Variants in PIK3CG observed in about 807,000 individuals in gnomAD.
The protein encoded by PIK3CG is phosphatidylinositol 4,5-bisphosphate 3-kinase catalytic subunit gamma isoform.
A neutral mutation model predicts 102.3 loss-of-function variants in PIK3CG; 55 were observed. The ratio of observed to expected loss-of-function variants is 0.54; its 90% CI spans 0.43 to 0.67. The LOEUF (loss-of-function observed/expected upper bound fraction) is 0.67, where lower values mean the gene tolerates loss of function less well. Ranked by LOEUF, PIK3CG falls within the 30% of genes least tolerant of loss-of-function variation. The pLI, the probability that PIK3CG is intolerant of heterozygous loss-of-function variation, is 0.00. For missense variants in PIK3CG, 1,258 were observed against 1,391.8 expected (o/e 0.90, Z 1.53); for synonymous variants, 552 against 540.0 (o/e 1.02, Z -0.31).
In PIK3CG at chr7:106,867,950, G is replaced by A. The variant is rs747797529; in HGVS notation, c.389G>A (p.Arg130Gln). 5.6e-6 allele frequency: 9 copies of A among 1,612,898 alleles called. No individual in the cohort carries two copies. The highest frequency in any genetic ancestry group is 1.7e-5 in the Admixed American group (1 of 60,006). Residue 130 changes from arginine to glutamine, a missense_variant, in exon 2 of 11, where the codon CGG (arginine) becomes CAG (glutamine). By Grantham distance (43) the Arg-to-Gln change is conservative. Around this residue, in one of 2 missense-constraint regions of PIK3CG, gnomAD observed 832 missense variants for 787.5 expected, o/e 1.06. Coordinates refer to ENST00000496166, the MANE Select transcript of PIK3CG (RefSeq NM_001282426.2). The surrounding 1 kb of genome is among the most constrained non-coding windows in gnomAD (Gnocchi z 5.1). ...CTGCGCTACTGGAAGGCCACGCACC[G>A]GAGCCCGGGCCAGATCCACCTGGTG... ...DCLRYWKATH[R>Q]SPGQIHLVQR...
Position 106,879,696 on chromosome 7 carries a change from TC to T in PIK3CG, c.2538+32del. 6.5e-7 allele frequency: 1 copy of T among 1,548,144 alleles called. No homozygotes were observed. Reference sequence around the variant, plus strand: ...CTAATTTTAAGATTGTTTTCAATTATCTGAAAACAATTCTATATTACATCAA... The same window carrying T: ...CTAATTTTAAGATTGTTTTCAATTATTGAAAACAATTCTATATTACATCAA... On this transcript the variant is annotated intron_variant, in intron 6 of 10. Coordinates refer to ENST00000496166, the MANE Select transcript of PIK3CG (RefSeq NM_001282426.2). The surrounding 1 kb of genome is among the most constrained non-coding windows in gnomAD (Gnocchi z 4.9).
Position 106,872,400 on chromosome 7 carries a change from T to G in PIK3CG, c.1996-137T>G. On this transcript the variant is annotated intron_variant, in intron 2 of 10. Transcript: ENST00000496166. This position sits in a 1 kb window ranked among gnomAD's most constrained non-coding sequence, Gnocchi z 5.3. Reference sequence around the variant, plus strand: ...GTCCTCTAACAGACAGGATTAAACTTAAGTGACTGTTAAGATTTTCATCTT... The same window carrying G: ...GTCCTCTAACAGACAGGATTAAACTGAAGTGACTGTTAAGATTTTCATCTT... 1.4e-6 allele frequency: 1 copy of G among 709,722 alleles called. No individual in the cohort carries two copies. Among genetic ancestry groups the G allele is most frequent in the Non-Finnish European group, 2.5e-6 (1 of 405,550 alleles). The allele number at this position is 709,722 out of a possible 1,614,324, so 44.0% of individuals were successfully genotyped here. A position where few individuals can be genotyped will look rare whatever the true frequency, so the allele number is the denominator to read the frequency against.
Position 106,869,905 on chromosome 7 carries a change from TATCTC to T in PIK3CG, c.1995+352_1995+356del, listed in dbSNP as rs1332942699. ...AGTGACTGACATGCTTTCAGTGTAT[TATCTC>T]ATTTAACTCTTCCAATAACTATGAT... On this transcript the variant is annotated intron_variant, in intron 2 of 10. Coordinates refer to ENST00000496166, the MANE Select transcript of PIK3CG (RefSeq NM_001282426.2). This position sits in a 1 kb window ranked among gnomAD's most constrained non-coding sequence, Gnocchi z 5.3. Among the ~76,000 whole-genome samples, 1 of 152,228 alleles carries T rather than the reference TATCTC, an allele frequency of 6.6e-6. No individual in the cohort carries two copies. The highest frequency in any genetic ancestry group is 1.5e-5 in the Non-Finnish European group (1 of 68,034).
intron 10 of PIK3CG, among the ~76,000 whole-genome samples, chr7:106,888,519 G>C (rs1300494450): frequency 6.6e-6 from 1 of 152,208 alleles, no homozygotes; most frequent in Non-Finnish European, 1.5e-5. Flanking sequence ...TTTGCGGTGA[G>C]GCTTTGTGCA....
rs2116546859 is a variant in PIK3CG at position 106,883,204 on chromosome 7, G to A, written c.2760+41G>A. The A allele has an allele frequency of 1.9e-6, 3 of 1,611,016 alleles. No homozygotes were observed. The South Asian group carries it at 3.3e-5, about 18-fold the overall frequency. On this transcript the variant is annotated intron_variant, in intron 8 of 10. Transcript: ENST00000496166. This position sits in a 1 kb window ranked among gnomAD's most constrained non-coding sequence, Gnocchi z 5.8. ...TTCCCAGTCTAATGGCTCCTTACAA[G>A]TTGTCATTTATATAGCAGTAGTGGC...
intron 5 of PIK3CG, among the ~76,000 whole-genome samples, chr7:106,875,501 T>C (rs966413616): frequency 4.6e-5 from 7 of 152,234 alleles, no homozygotes; most frequent in African/African-American, 1.7e-4. Context: ...GTTAGTCCTT[T>C]TTCTCCTCCC....
chr7:106,887,288 AT>A (rs1179170642), intron 10 of PIK3CG, among the ~76,000 whole-genome samples: 1 of 152,246 alleles, frequency 6.6e-6, no homozygotes, highest in Non-Finnish European at 1.5e-5. Flanking sequence ...AAGACAAGGA[AT>A]AATTACTTTT....
chr7:106,886,011 C>T (rs1459871577), intron 9 of PIK3CG, 124 bp from the exon 10 acceptor site: 10 of 835,074 alleles, frequency 1.2e-5, no homozygotes, highest in Non-Finnish European at 1.8e-5. Flanking sequence ...ATATCACAAA[C>T]TGACAAACAT....
At chr7:106,898,001 A>G (rs1791451961) in intron 10 of PIK3CG, among the ~76,000 whole-genome samples, 1 of 152,206 alleles carries the variant, frequency 6.6e-6, no homozygotes, top group South Asian at 2.1e-4. Flanking sequence ...TACCACCAAC[A>G]ATGTATAAGT....
At position 106,872,499 on chromosome 7, in the gene PIK3CG, A is replaced by G. The variant is rs781027634; in HGVS notation, c.1996-38A>G. 6.6e-7 allele frequency: 1 copy of G among 1,509,136 alleles called. No individual in the cohort carries two copies. The highest frequency in any genetic ancestry group is 9.2e-7 in the Non-Finnish European group (1 of 1,084,780). 93.5% of individuals were successfully genotyped at this position (1,509,136 alleles called of 1,614,324 possible). On this transcript the variant is annotated intron_variant, in intron 2 of 10. Coordinates refer to ENST00000496166, the MANE Select transcript of PIK3CG (RefSeq NM_001282426.2). The surrounding 1 kb of genome is among the most constrained non-coding windows in gnomAD (Gnocchi z 5.3). The stretch of plus-strand genomic sequence containing the variant: ...CCTTTTCCCTGATTCAACGACATAG[A>G]GTACAGTCCTACAAATGCCAATGTG...
rs569405886 is a variant in PIK3CG at position 106,886,990 on chromosome 7, T to TA, written c.3030+709dup. Among the ~76,000 whole-genome samples the TA allele has an allele frequency of 7.8e-4, 114 of 147,092 alleles. 1 individual carries two copies. The highest frequency in any genetic ancestry group is 2.4e-3 in the East Asian group (12 of 5,070). ...AAAATACACTAGATAGCTGATGATC[T>TA]AAAAAAAAAAATCACAAAAAAGCCT... On this transcript the variant is annotated intron_variant, in intron 10 of 10. Coordinates refer to ENST00000496166, the MANE Select transcript of PIK3CG (RefSeq NM_001282426.2).
rs1332113570 is a variant in PIK3CG at position 106,897,522 on chromosome 7, CCCT to C, written c.3031-7582_3031-7580del. On this transcript the variant is annotated intron_variant, in intron 10 of 10. Coordinates refer to ENST00000496166, the MANE Select transcript of PIK3CG (RefSeq NM_001282426.2). The surrounding 1 kb of genome is among the most constrained non-coding windows in gnomAD (Gnocchi z 4.6). Reference sequence around the variant, plus strand: ...CAATAGTTATCTTTTTTGCTCCTCTCCCTCCTCTCATTCTCTCCCCTCAAGTAG... The same window carrying C: ...CAATAGTTATCTTTTTTGCTCCTCTCCCTCTCATTCTCTCCCCTCAAGTAG... 3.3e-5 allele frequency among the ~76,000 whole-genome samples: 5 copies of C among 152,034 alleles called. No individual in the cohort carries two copies. Among genetic ancestry groups the C allele is most frequent in the Non-Finnish European group, 7.4e-5 (5 of 67,980 alleles).
Position 106,867,170 on chromosome 7 carries a change from C to G in PIK3CG, c.-12-380C>G, listed in dbSNP as rs760580383. ...TGTGCTGGATGAGTGTTTTACCTAC[C>G]TCTTTAAAATTTTCAAAGTATACAA... On this transcript the variant is annotated intron_variant, in intron 1 of 10. Coordinates refer to ENST00000496166, the MANE Select transcript of PIK3CG (RefSeq NM_001282426.2). The surrounding 1 kb of genome is among the most constrained non-coding windows in gnomAD (Gnocchi z 5.1). 3.4e-4 allele frequency among the ~76,000 whole-genome samples: 52 copies of G among 152,152 alleles called. No homozygotes were observed. Among genetic ancestry groups the G allele is most frequent in the Non-Finnish European group, 1.0e-4 (7 of 68,016 alleles).
Position 106,872,840 on chromosome 7 carries a change from A to G in PIK3CG, c.2189A>G (p.His730Arg), listed in dbSNP as rs2116488378. The G allele has an allele frequency of 6.2e-7, 1 of 1,614,190 alleles. No homozygotes were observed. Among genetic ancestry groups the G allele is most frequent in the African/African-American group, 1.3e-5 (1 of 75,066 alleles). ...AGGGGCTGTGGCACAGCCATGCTGC[A>G]CGACTTTACCCAACAAGTCCAAGTA... Reference protein sequence around the residue: ...YLRGCGTAMLHDFTQQVQVIE... With the variant: ...YLRGCGTAMLRDFTQQVQVIE... The change falls in exon 4 of 11, where the codon CAC becomes CGC. Residue 730 changes from histidine (H) to arginine (R), a missense_variant. This residue lies in a region of PIK3CG where 426 missense variants were observed against 604.2 expected (regional missense o/e 0.71). Coordinates refer to ENST00000496166, the MANE Select transcript of PIK3CG (RefSeq NM_001282426.2). This position sits in a 1 kb window ranked among gnomAD's most constrained non-coding sequence, Gnocchi z 5.3.
chr7:106,903,784 A>G lies in PIK3CG; in HGVS notation c.3031-1325A>G, dbSNP rs1201849108. On this transcript the variant is annotated intron_variant, in intron 10 of 10. Coordinates refer to ENST00000496166, the MANE Select transcript of PIK3CG (RefSeq NM_001282426.2). The surrounding 1 kb of genome is among the most constrained non-coding windows in gnomAD (Gnocchi z 4.3). The stretch of plus-strand genomic sequence containing the variant: ...TATTTATTTATTTATTTAGAGACAG[A>G]GTCTCACTCTGTTGCCTACTTTGGA... Among the ~76,000 whole-genome samples the G allele has an allele frequency of 6.6e-6, 1 of 151,332 alleles. No individual in the cohort carries two copies. The highest frequency in any genetic ancestry group is 1.5e-5 in the Non-Finnish European group (1 of 67,920).
At position 106,867,670 on chromosome 7, in the gene PIK3CG, C is replaced by T. The variant is rs915508347; in HGVS notation, c.109C>T (p.Leu37Phe). Residue 37 changes from leucine (L) to phenylalanine (F), a missense_variant, in exon 2 of 11, where the codon CTC becomes TTC. By Grantham distance (22) the Leu-to-Phe change is conservative. This residue lies in a region of PIK3CG where 832 missense variants were observed against 787.5 expected (regional missense o/e 1.06). Coordinates refer to ENST00000496166, the MANE Select transcript of PIK3CG (RefSeq NM_001282426.2). This position sits in a 1 kb window ranked among gnomAD's most constrained non-coding sequence, Gnocchi z 5.1. ...SAAASLSSME[L>F]IPIEFVLPTS... is the part of the protein sequence containing the mutation. ...TGCGGCCAGCCTGTCCTCCATGGAG[C>T]TCATCCCCATCGAGTTCGTGCTGCC... The T allele has an allele frequency of 3.1e-6, 5 of 1,613,406 alleles. No homozygotes were observed. Among genetic ancestry groups the T allele is most frequent in the African/African-American group, 1.3e-5 (1 of 75,066 alleles).
intron 10 of PIK3CG, among the ~76,000 whole-genome samples, chr7:106,904,833 A>T (rs1490932794): frequency 6.6e-6 from 1 of 152,232 alleles, no homozygotes; most frequent in African/African-American, 2.4e-5. Flanking sequence ...CTTGGGAAAG[A>T]AACTGAATTA....
intron 10 of PIK3CG, among the ~76,000 whole-genome samples, chr7:106,896,506 C>G (rs1432181825): frequency 6.6e-6 from 1 of 152,120 alleles, no homozygotes; most frequent in East Asian, 1.9e-4. Context: ...CTGCACTTAG[C>G]CTGTATAATT....
In PIK3CG at chr7:106,879,563, GCTTGAGTTTAAATGTGCCGATC is replaced by G; in HGVS notation, c.2439_2460del (p.Glu814GlnfsTer56). ...TGGCCTCCAAGAAAAAACCACTATG[GCTTGAGTTTAAATGTGCCGATC>G]CTACAGCCCTATCAAATGAAACAAT... On this transcript the variant is annotated frameshift_variant, in exon 6 of 11. Coordinates refer to ENST00000496166, the MANE Select transcript of PIK3CG (RefSeq NM_001282426.2). LOFTEE classifies it high-confidence loss of function. The surrounding 1 kb of genome is among the most constrained non-coding windows in gnomAD (Gnocchi z 4.9). 6.2e-7 allele frequency: 1 copy of G among 1,613,674 alleles called. No individual in the cohort carries two copies. Among genetic ancestry groups the G allele is most frequent in the Non-Finnish European group, 8.5e-7 (1 of 1,179,662 alleles).
Sources: gnomAD v4.1 joint callset for allele counts (sites outside exome capture counted in the v4.1 genomes callset) on GRCh38, gnomAD v4.1.1 for gene constraint, gnomAD v4.1.1 regional missense constraint, Gnocchi (gnomAD v3.1) non-coding constraint, MANE v1.5 for transcripts, NCBI Gene and HGNC (gene_info 2026-07-23, HGNC 2026-07-21) for gene names.